Variants in EIF4E2 observed in about 807,000 individuals in gnomAD.
EIF4E2 encodes eukaryotic translation initiation factor 4E type 2.
EIF4E2 carries 13 observed loss-of-function variants against 34.2 expected under a neutral mutation model. The observed-to-expected ratio is 0.38, with a 90% CI of 0.25 to 0.60. EIF4E2 has a LOEUF of 0.60. Among genes scored for constraint, EIF4E2 ranks in the 20% least tolerant of loss-of-function variants. EIF4E2 has a pLI of 0.62. For missense variants in EIF4E2, 222 were observed against 315.1 expected, an observed-to-expected ratio of 0.70 and a Z score of 2.24; for synonymous variants, 100 against 106.6, an observed-to-expected ratio of 0.94 and a Z score of 0.38.
Position 232,562,448 on chromosome 2 carries a change from T to C in EIF4E2, c.271-1799T>C, listed in dbSNP as rs373320932. 2.3e-4 allele frequency among the ~76,000 whole-genome samples: 35 copies of C among 151,964 alleles called. No individual in the cohort carries two copies. The East Asian group carries it at 2.7e-3, about 12-fold the overall frequency. On this transcript the variant is annotated intron_variant, in intron 3 of 6. Coordinates refer to ENST00000258416, the MANE Select transcript of EIF4E2 (RefSeq NM_004846.4). ...TAAAAATACAAAAATTAGCCAGGCGTGGTGGTGTGTGCCTGTAGTCCCAGC... is the reference window on the plus strand; with the variant it reads ...TAAAAATACAAAAATTAGCCAGGCGCGGTGGTGTGTGCCTGTAGTCCCAGC...
In EIF4E2 at chr2:232,566,988, C is replaced by G; in HGVS notation, c.528+7C>G. On this transcript the variant is annotated splice_region_variant and intron_variant, in intron 5 of 6. Transcript: ENST00000258416. This position sits in a 1 kb window ranked among gnomAD's most constrained non-coding sequence, Gnocchi z 4.9. ...GGTGTCTGTCCGCTTTCAGGTAAGCCACCCATGAGCCAGGCTGGTTTCTTG... is the reference window on the plus strand; with the variant it reads ...GGTGTCTGTCCGCTTTCAGGTAAGCGACCCATGAGCCAGGCTGGTTTCTTG... The G allele has an allele frequency of 6.3e-7, 1 of 1,588,804 alleles. No individual in the cohort carries two copies. The highest frequency in any genetic ancestry group is 8.6e-7 in the Non-Finnish European group (1 of 1,167,120).
chr2:232,555,464 C>T (rs905273392), intron 1 of EIF4E2, among the ~76,000 whole-genome samples: 1 of 152,188 alleles, frequency 6.6e-6, no homozygotes, highest in Non-Finnish European at 1.5e-5. Flanking sequence ...AAAGGGTAAT[C>T]CCTAAAGTTC....
At chr2:232,564,163 T>C in intron 3 of EIF4E2, 84 bp from the exon 4 acceptor site, 1 of 885,294 alleles carries the variant, frequency 1.1e-6, no homozygotes. Flanking sequence ...CATGCTTATG[T>C]TCTTAACTAA....
rs80034005 is a variant in EIF4E2, at chr2:232,576,711, G to A, written c.666-4193G>A. On this transcript the variant is annotated intron_variant, in intron 6 of 6. Coordinates refer to the EIF4E2 transcript ENST00000409098. Reference sequence around the variant, plus strand: ...ATAGACTTGAAAAGGACTTCATGTCGCATTTCTATTGATTTAACCTCGCTG... The same window carrying A: ...ATAGACTTGAAAAGGACTTCATGTCACATTTCTATTGATTTAACCTCGCTG... Among the ~76,000 whole-genome samples, 117 of 152,282 alleles carry A rather than the reference G, an allele frequency of 7.7e-4. 1 individual carries two copies. The East Asian group carries it at 0.021, about 27-fold the overall frequency.
chr2:232,557,955 C>T lies in EIF4E2; in HGVS notation c.207C>T (p.Pro69=), dbSNP rs200468379. 1.1e-5 allele frequency: 17 copies of T among 1,614,144 alleles called. No individual in the cohort carries two copies. The highest frequency in any genetic ancestry group is 1.7e-4 in the Middle Eastern group (1 of 6,056). The change falls in exon 3 of 7, where the codon CCC becomes CCT. Residue 69 remains proline, a synonymous_variant. Coordinates refer to ENST00000258416, the MANE Select transcript of EIF4E2 (RefSeq NM_004846.4). ...CTTTTTGGTACTCCAGGAGAACCCC[C>T]GGCCGTCCCACGAGCTCACAGAGCT... ...NYTFWYSRRT[P]GRPTSSQSYE... is the part of the protein sequence containing the mutation.
Position 232,566,865 on chromosome 2 carries a change from C to T in EIF4E2, c.412C>T (p.Arg138Trp). The T allele has an allele frequency of 2.5e-6, 4 of 1,614,022 alleles. No individual in the cohort carries two copies. The highest frequency in any genetic ancestry group is 1.3e-5 in the African/African-American group (1 of 75,000). Residue 138 changes from arginine (R) to tryptophan (W), a missense_variant, in exon 5 of 7, where the codon CGG (arginine) becomes TGG (tryptophan). Around this residue, in one of 3 missense-constraint regions of EIF4E2, gnomAD observed 105 missense variants for 195.1 expected, o/e 0.54. Coordinates refer to ENST00000258416, the MANE Select transcript of EIF4E2 (RefSeq NM_004846.4). This position sits in a 1 kb window ranked among gnomAD's most constrained non-coding sequence, Gnocchi z 4.9. ...ANKNGGKWII[R>W]LRKGLASRCW... The stretch of plus-strand genomic sequence containing the variant: ...TAAAAATGGTGGCAAGTGGATTATT[C>T]GGCTGCGGAAGGGCTTGGCCTCCCG...
In EIF4E2 at chr2:232,567,200, C is replaced by A; in HGVS notation, c.651C>A (p.His217Gln). ...PPNTIMEYKT[H>Q]TDSIKMPGRL... ...ACACCATTATGGAATACAAAACTCA[C>A]ACCGACAGCATCAAGTACGTGTTGG... The change falls in exon 6 of 7, where the codon CAC (histidine) becomes CAA (glutamine). Residue 217 changes from histidine (H) to glutamine (Q), a missense_variant. By Grantham distance (24) the His-to-Gln change is conservative. Around this residue, in one of 3 missense-constraint regions of EIF4E2, gnomAD observed 105 missense variants for 195.1 expected, o/e 0.54. Coordinates refer to ENST00000258416, the MANE Select transcript of EIF4E2 (RefSeq NM_004846.4). The A allele has an allele frequency of 6.2e-7, 1 of 1,614,222 alleles. No individual in the cohort carries two copies. Among genetic ancestry groups the A allele is most frequent in the Non-Finnish European group, 8.5e-7 (1 of 1,180,054 alleles).
At chr2:232,579,991 G>A (rs1693306076) in intron 6 of EIF4E2, among the ~76,000 whole-genome samples, 1 of 151,964 alleles carries the variant, frequency 6.6e-6, no homozygotes, top group Admixed American at 6.6e-5. Flanking sequence ...TTTCTAGGGT[G>A]GGACAGGAAA....
At chr2:232,560,553 A>G (rs1048817475) in intron 3 of EIF4E2, among the ~76,000 whole-genome samples, 3 of 152,170 alleles carry the variant, frequency 2.0e-5, no homozygotes, top group Non-Finnish European at 2.9e-5. Context: ...AGGCAGGAGG[A>G]TGACTTGATC....
intron 6 of EIF4E2, chr2:232,568,706 T>G: frequency 1.0e-6 from 1 of 985,478 alleles, no homozygotes; most frequent in Non-Finnish European, 1.2e-6. Context: ...TCGTGACTTT[T>G]ACAGAAACAT....
At chr2:232,553,633 G>C (rs1218488797) in intron 1 of EIF4E2, among the ~76,000 whole-genome samples, 1 of 152,180 alleles carries the variant, frequency 6.6e-6, no homozygotes, top group African/African-American at 2.4e-5. Flanking sequence ...GTTGTATCTT[G>C]ACTCAAATCC....
chr2:232,569,786 CAG>C (rs893384674), downstream of EIF4E2: 1 of 152,260 alleles, frequency 6.6e-6, no homozygotes, highest in Non-Finnish European at 1.5e-5. Context: ...TGCAAGATCT[CAG>C]GGTTACAGCC....
chr2:232,567,576 C>A, intron 6 of EIF4E2: 2 of 1,208,270 alleles, frequency 1.7e-6, no homozygotes, highest in Non-Finnish European at 2.1e-6. Context: ...CCCTGCCCAC[C>A]CTCACCCCAC....
At chr2:232,552,590 A>G (rs2106232316) in intron 1 of EIF4E2, among the ~76,000 whole-genome samples, 1 of 152,312 alleles carries the variant, frequency 6.6e-6, no homozygotes, top group South Asian at 2.1e-4. Flanking sequence ...TGAGACTCTG[A>G]GGTTAACTAA....
chr2:232,553,486 C>T (rs1198977528), intron 1 of EIF4E2, among the ~76,000 whole-genome samples: 2 of 152,176 alleles, frequency 1.3e-5, no homozygotes, highest in African/African-American at 4.8e-5. Flanking sequence ...GTCCTGCCCA[C>T]AAGGTATTGG....
chr2:232,551,019 C>T (rs1273801996), intron 1 of EIF4E2: 6 of 612,122 alleles, frequency 9.8e-6, no homozygotes, highest in Non-Finnish European at 1.8e-5. Flanking sequence ...TTTTCGGACG[C>T]CCCGCCCTGG....
exon 7 of EIF4E2, chr2:232,583,521 C>T (rs757269603): frequency 1.3e-5 from 2 of 151,908 alleles, no homozygotes; most frequent in Admixed American, 6.6e-5. Flanking sequence ...CCACAATGCT[C>T]GAAGAATGAA....
At chr2:232,571,866 G>T (rs1693100031), downstream of EIF4E2, among the ~76,000 whole-genome samples, 1 of 152,220 alleles carries the variant, frequency 6.6e-6, no homozygotes, top group Non-Finnish European at 1.5e-5. Flanking sequence ...GCAAAGCGAA[G>T]AGAGCCCAGA....
chr2:232,581,281 C>A lies in EIF4E2; in HGVS notation c.*338C>A, dbSNP rs547561227. 2.4e-6 allele frequency: 1 copy of A among 419,714 alleles called. No homozygotes were observed. Among genetic ancestry groups the A allele is most frequent in the Non-Finnish European group, 4.5e-6 (1 of 221,456 alleles). 26.0% of individuals were successfully genotyped at this position (419,714 alleles called of 1,614,324 possible). ...TCTTCCCGTGTTGTACGAAGGGTAC[C>A]GTGGCCACGTGTACATGCCAGAGCT... is the stretch of plus-strand genomic sequence containing the variant. On this transcript the variant is annotated 3_prime_UTR_variant, in exon 7 of 7. Coordinates refer to the EIF4E2 transcript ENST00000409098. This position sits in a 1 kb window ranked among gnomAD's most constrained non-coding sequence, Gnocchi z 5.2.
Sources: gnomAD v4.1 joint callset for allele counts (sites outside exome capture counted in the v4.1 genomes callset) on GRCh38, gnomAD v4.1.1 for gene constraint, gnomAD v4.1.1 regional missense constraint, Gnocchi (gnomAD v3.1) non-coding constraint, MANE v1.5 for transcripts, NCBI Gene and HGNC (gene_info 2026-07-23, HGNC 2026-07-21) for gene names.